The following PHF24 variants were observed in gnomAD, a reference collection of about 807,000 sequenced individuals.
The protein encoded by PHF24 is PHD finger protein 24, also known as Galpha inhibitory interacting protein.
PHF24 carries 25 observed loss-of-function variants against 42.6 expected under a neutral mutation model. The observed-to-expected ratio is 0.59, with a 90% confidence interval of 0.43 to 0.82. PHF24 has a LOEUF of 0.82. Ranked by LOEUF, PHF24 falls within the 40% of genes least tolerant of loss-of-function variation. The pLI is 0.00. For missense variants in PHF24, 470 were observed against 538.1 expected, an observed-to-expected ratio of 0.87 and a Z score of 1.25; for synonymous variants, 185 against 204.8, an observed-to-expected ratio of 0.90 and a Z score of 0.83.
At chr9:34,861,112 A>G in the PHF24 span, among the ~76,000 whole-genome samples, 2 of 152,232 alleles carry the variant, frequency 1.3e-5, no homozygotes, top group Non-Finnish European at 2.9e-5. Flanking sequence ...AAAAATCACC[A>G]GGAAAATGCA....
chr9:34,765,797 G>A, the PHF24 span, among the ~76,000 whole-genome samples: 2 of 152,092 alleles, frequency 1.3e-5, no homozygotes, highest in South Asian at 2.1e-4. Flanking sequence ...TCCTAGCATC[G>A]ATGGTCTTTA....
chr9:34,901,264 G>A, the PHF24 span, among the ~76,000 whole-genome samples: 1 of 152,142 alleles, frequency 6.6e-6, no homozygotes, highest in African/African-American at 2.4e-5. Context: ...GGATTGCCTT[G>A]ATACCAAATC....
At chr9:34,727,953 C>G in the PHF24 span, 4 of 1,452,458 alleles carry the variant, frequency 2.8e-6, no homozygotes, top group Non-Finnish European at 2.8e-6. Context: ...TAGTCCTGCC[C>G]CAGGCCAAGC....
chr9:34,796,422 TAA>T, the PHF24 span, among the ~76,000 whole-genome samples: 4 of 150,794 alleles, frequency 2.7e-5, no homozygotes, highest in East Asian at 3.9e-4. Flanking sequence ...TTAAAAAATT[TAA>T]AAAAAAACAA....
chr9:34,865,931 A>AG, the PHF24 span, among the ~76,000 whole-genome samples: 1 of 152,240 alleles, frequency 6.6e-6, no homozygotes, highest in Non-Finnish European at 1.5e-5. Flanking sequence ...TGTGAACACA[A>AG]GGCAATAGAA....
chr9:34,835,257 G>C, the PHF24 span: 3 of 1,552,240 alleles, frequency 1.9e-6, no homozygotes, highest in Non-Finnish European at 1.7e-6. Context: ...GATCTGTGAA[G>C]AGAGACCTGA....
the PHF24 span, among the ~76,000 whole-genome samples, chr9:34,894,280 G>GT: frequency 2.0e-5 from 3 of 152,052 alleles, no homozygotes; most frequent in African/African-American, 7.2e-5. Context: ...GTCTGGCCCA[G>GT]CCCCCCTGCC....
the PHF24 span, among the ~76,000 whole-genome samples, chr9:34,689,395 A>G: frequency 2.6e-5 from 4 of 151,768 alleles, no homozygotes; most frequent in African/African-American, 9.7e-5. This position sits in a 1 kb window ranked among gnomAD's most constrained non-coding sequence, Gnocchi z 4.1. Flanking sequence ...GCCACAGAAG[A>G]GAAAATAGAT....
the PHF24 span, among the ~76,000 whole-genome samples, chr9:34,936,100 G>C: frequency 7.2e-6 from 1 of 139,632 alleles, no homozygotes; most frequent in Admixed American, 7.2e-5. Context: ...CTCTTTCCAC[G>C]GTCTCCCTCT....
chr9:34,679,070 A>G, the PHF24 span, among the ~76,000 whole-genome samples: 1 of 152,268 alleles, frequency 6.6e-6, no homozygotes, highest in East Asian at 1.9e-4. Context: ...AAGAAAGTCC[A>G]ACCAATCTGG....
chr9:34,700,575 T>C, the PHF24 span, among the ~76,000 whole-genome samples: 1 of 152,188 alleles, frequency 6.6e-6, no homozygotes, highest in Non-Finnish European at 1.5e-5. Context: ...GACCCTGGTA[T>C]AGACTTAAGT....
the PHF24 span, among the ~76,000 whole-genome samples, chr9:34,807,230 T>C: frequency 6.6e-6 from 1 of 152,204 alleles, no homozygotes. Context: ...ATTCCTAGTT[T>C]GTTGTGCACT....
At chr9:34,694,317 G>A in the PHF24 span, among the ~76,000 whole-genome samples, 6 of 150,964 alleles carry the variant, frequency 4.0e-5, no homozygotes, top group South Asian at 4.2e-4. Context: ...TTAGAGGCAC[G>A]CACCACCACG....
chr9:34,686,580 A>G, the PHF24 span, among the ~76,000 whole-genome samples: 3 of 152,214 alleles, frequency 2.0e-5, no homozygotes, highest in African/African-American at 7.2e-5. Flanking sequence ...ACAAATAGGA[A>G]AGGGAGATTT....
At chr9:34,771,424 C>T in the PHF24 span, among the ~76,000 whole-genome samples, 22 of 152,132 alleles carry the variant, frequency 1.4e-4, no homozygotes, top group African/African-American at 4.8e-4. Context: ...TTTAATCTTA[C>T]GAGACCACCA....
At chr9:34,760,569 A>G in the PHF24 span, among the ~76,000 whole-genome samples, 1 of 152,142 alleles carries the variant, frequency 6.6e-6, no homozygotes, top group Non-Finnish European at 1.5e-5. Flanking sequence ...CAGCAAAACC[A>G]CCGGAGCTCA....
the PHF24 span, among the ~76,000 whole-genome samples, chr9:34,672,793 T>C: frequency 6.6e-6 from 1 of 152,214 alleles, no homozygotes; most frequent in Non-Finnish European, 1.5e-5. Context: ...TAAATTTCTT[T>C]TATTTATTTT....
chr9:34,823,560 C>T, the PHF24 span, among the ~76,000 whole-genome samples: 3 of 152,164 alleles, frequency 2.0e-5, no homozygotes, highest in Non-Finnish European at 4.4e-5. Context: ...AGTGGTTGAG[C>T]AGCCTCAGAG....
chr9:34,837,687 C>CT, the PHF24 span: 1 of 1,522,436 alleles, frequency 6.6e-7, no homozygotes, highest in African/African-American at 1.4e-5. Flanking sequence ...CTTTGCCTGA[C>CT]TTTTTGGTGA....
Sources: allele counts gnomAD v4.1 joint callset (sites outside exome capture counted in the v4.1 genomes callset), GRCh38; gene constraint gnomAD v4.1.1; non-coding constraint Gnocchi (gnomAD v3.1); transcripts MANE v1.5; gene names NCBI Gene and HGNC (gene_info 2026-07-23, HGNC 2026-07-21).